COX18: variants seen among roughly 807,000 people sequenced by gnomAD.
COX18 encodes the protein cytochrome c oxidase assembly protein COX18, mitochondrial.
A neutral mutation model predicts 38.0 loss-of-function variants in COX18; 45 were observed. The observed-to-expected ratio is 1.18, with a 90% CI of 0.93 to 1.52. COX18 has a LOEUF of 1.52. COX18 is among the 40% of genes most tolerant of loss of function. COX18 has a pLI of 0.00. For missense variants in COX18, 462 were observed against 423.8 expected (o/e 1.09, Z -0.79); for synonymous variants, 177 against 169.8 (o/e 1.04, Z -0.33).
chr4:73,057,145 T>A lies in COX18; in HGVS notation c.*969A>T, dbSNP rs1364681152. On this transcript the variant is annotated 3_prime_UTR_variant, in exon 6 of 6. Transcript: ENST00000507544. ...CATTAAAAAAATTAAAAAAAAAAAA[T>A]GCTGGGTGAGGTGGCTCATGCCTGT... 2 of 124,358 alleles carry A rather than the reference T, an allele frequency of 1.6e-5. No homozygotes were observed. The highest frequency in any genetic ancestry group is 6.1e-5 in the African/African-American group (2 of 32,538). 7.7% of individuals were successfully genotyped at this position (124,358 alleles called of 1,614,324 possible).
Position 73,054,068 on chromosome 4 carries a change from C to G in COX18, c.*4046G>C, listed in dbSNP as rs901622388. 6.8e-6 allele frequency: 1 copy of G among 146,666 alleles called. No individual in the cohort carries two copies. The highest frequency in any genetic ancestry group is 1.5e-5 in the Non-Finnish European group (1 of 66,690). 9.1% of individuals were successfully genotyped at this position (146,666 alleles called of 1,614,324 possible). On this transcript the variant is annotated 3_prime_UTR_variant, in exon 6 of 6. Coordinates refer to ENST00000507544, the MANE Select transcript of COX18 (RefSeq NM_001297732.2). ...AGGAAAAACAGATCTCCTGTAAGGA[C>G]GAGAAGGGTGGGTAACACCCCTGTG...
intron 2 of COX18, among the ~76,000 whole-genome samples, chr4:73,066,548 A>G (rs1720454873): frequency 6.6e-6 from 1 of 152,206 alleles, no homozygotes; most frequent in African/African-American, 2.4e-5. Flanking sequence ...AAGAAAAGAA[A>G]AGAAAAGAAA....
At chr4:73,064,276 C>T (rs1200341803) in intron 4 of COX18, among the ~76,000 whole-genome samples, 3 of 151,738 alleles carry the variant, frequency 2.0e-5, no homozygotes, top group Non-Finnish European at 4.4e-5. Flanking sequence ...AAAAAAAAGA[C>T]ATGACTGAGA....
In COX18 at chr4:73,055,866, C is replaced by G. The variant is rs560391184; in HGVS notation, c.*2248G>C. The G allele has an allele frequency of 3.9e-5, 6 of 152,120 alleles. No individual in the cohort carries two copies. Among genetic ancestry groups the G allele is most frequent in the African/African-American group, 1.4e-4 (6 of 41,424 alleles). The allele number at this position is 152,120 out of a possible 1,614,324, so 9.4% of individuals were successfully genotyped here. A position where few individuals can be genotyped will look rare whatever the true frequency, so the allele number is the denominator to read the frequency against. ...ATTCCTTCAATGTGGTTGGAAAGCA[C>G]AATTGCCCCAATAGGACAGTCAGAA... is the stretch of plus-strand genomic sequence containing the variant. On this transcript the variant is annotated 3_prime_UTR_variant, in exon 6 of 6. Transcript: ENST00000507544.
In COX18 at chr4:73,056,561, T is replaced by C. The variant is rs754700974; in HGVS notation, c.*1553A>G. 2 of 152,330 alleles carry C rather than the reference T, an allele frequency of 1.3e-5. No individual in the cohort carries two copies. Among genetic ancestry groups the C allele is most frequent in the Non-Finnish European group, 2.9e-5 (2 of 68,034 alleles). 9.4% of individuals were successfully genotyped at this position (152,330 alleles called of 1,614,324 possible). On this transcript the variant is annotated 3_prime_UTR_variant, in exon 6 of 6. Coordinates refer to ENST00000507544, the MANE Select transcript of COX18 (RefSeq NM_001297732.2). Reference sequence around the variant, plus strand: ...GGCCGGGAGGCAACATCATCTACCATGTTAGGGACTTGTATGCATGGACTA... The same window carrying C: ...GGCCGGGAGGCAACATCATCTACCACGTTAGGGACTTGTATGCATGGACTA...
rs983718061 is a variant in COX18, at chr4:73,055,700, T to C, written c.*2414A>G. 1.3e-5 allele frequency: 2 copies of C among 152,214 alleles called. No individual in the cohort carries two copies. The highest frequency in any genetic ancestry group is 4.8e-5 in the African/African-American group (2 of 41,458). 9.4% of individuals were successfully genotyped at this position (152,214 alleles called of 1,614,324 possible). A position where few individuals can be genotyped will look rare whatever the true frequency, so the allele number is the denominator to read the frequency against. On this transcript the variant is annotated 3_prime_UTR_variant, in exon 6 of 6. Transcript: ENST00000507544. ...GAAGGCAGAGTACCATTTGTTTCAC[T>C]TCTGTTGGGAGGTGACTCACATTTT...
At position 73,056,873 on chromosome 4, in the gene COX18, C is replaced by A. The variant is rs1175757160; in HGVS notation, c.*1241G>T. On this transcript the variant is annotated 3_prime_UTR_variant, in exon 6 of 6. Transcript: ENST00000507544. ...CAGTGGCTCACGCCTGTAATCCCAG[C>A]ACTTTGGGAGGCCAAGGTGGGCAGA... is the stretch of plus-strand genomic sequence containing the variant. 1 of 152,294 alleles carries A rather than the reference C, an allele frequency of 6.6e-6. No individual in the cohort carries two copies. Among genetic ancestry groups the A allele is most frequent in the Non-Finnish European group, 1.5e-5 (1 of 68,124 alleles). The allele number at this position is 152,294 out of a possible 1,614,324, so 9.4% of individuals were successfully genotyped here. A position where few individuals can be genotyped will look rare whatever the true frequency, so the allele number is the denominator to read the frequency against.
At chr4:73,064,332 G>T (rs543500338) in intron 4 of COX18, among the ~76,000 whole-genome samples, 16 of 151,990 alleles carry the variant, frequency 1.1e-4, no homozygotes, top group Non-Finnish European at 2.2e-4. Context: ...ATCTTATAAA[G>T]ACATTCAATG....
chr4:73,060,953 C>A (rs34716955), intron 5 of COX18, among the ~76,000 whole-genome samples: 1 of 151,610 alleles, frequency 6.6e-6, no homozygotes, highest in African/African-American at 2.4e-5. Context: ...CAACTGAATT[C>A]GACTTTATGT....
rs1560468894 is a variant in COX18 at position 73,058,112 on chromosome 4, TG to T, written c.*1del. Reference sequence around the variant, plus strand: ...ACTGTTTCAAAATTATTGGAAAATATGTCATTTTCTTGAAATGAACTTGGTA... The same window carrying T: ...ACTGTTTCAAAATTATTGGAAAATATTCATTTTCTTGAAATGAACTTGGTA... On this transcript the variant is annotated 3_prime_UTR_variant, in exon 6 of 6. Transcript: ENST00000507544. The T allele has an allele frequency of 2.6e-6, 4 of 1,566,752 alleles. No individual in the cohort carries two copies. The South Asian group carries it at 4.6e-5, about 18-fold the overall frequency.
chr4:73,068,101 GTT>G lies in COX18; in HGVS notation c.360_361del (p.Lys120AsnfsTer7). 3 of 1,607,922 alleles carry G rather than the reference GTT, an allele frequency of 1.9e-6. No individual in the cohort carries two copies. Among genetic ancestry groups the G allele is most frequent in the Non-Finnish European group, 2.5e-6 (3 of 1,177,712 alleles). On this transcript the variant is annotated frameshift_variant, in exon 2 of 6. Transcript: ENST00000507544. LOFTEE classifies it high-confidence loss of function. ...TTCTTGGTTAAGATGCCTGGCAATA[GTT>G]TTTATTTCTGGCTGCAAATTTTCCA...
Position 73,057,823 on chromosome 4 carries a change from C to T in COX18, c.*291G>A, listed in dbSNP as rs182021393. 4.6e-5 allele frequency: 8 copies of T among 174,150 alleles called. No homozygotes were observed. In the East Asian group the frequency reaches 1.3e-3, roughly 28 times the overall value. 10.8% of individuals were successfully genotyped at this position (174,150 alleles called of 1,614,324 possible). ...TAGCTGGGATTACAGGCACCTGCCA[C>T]TAAGCCCAGCTAATTTTTTTGTTAT... On this transcript the variant is annotated 3_prime_UTR_variant, in exon 6 of 6. Transcript: ENST00000507544.
In COX18 at chr4:73,061,802, T is replaced by G. The variant is rs775369832; in HGVS notation, c.831+11A>C. The G allele has an allele frequency of 1.3e-6, 2 of 1,521,994 alleles. No individual in the cohort carries two copies. Among genetic ancestry groups the G allele is most frequent in the South Asian group, 2.2e-5 (2 of 88,944 alleles). The allele number at this position is 1,521,994 out of a possible 1,614,324, so 94.3% of individuals were successfully genotyped here. A position where few individuals can be genotyped will look rare whatever the true frequency, so the allele number is the denominator to read the frequency against. On this transcript the variant is annotated intron_variant, in intron 5 of 5. Transcript: ENST00000507544. ...TAGCACATGCTACACACAATATTGG[T>G]GCTTACTCACTGAGGGTACCGTTGC...
intron 2 of COX18, among the ~76,000 whole-genome samples, chr4:73,066,235 T>A (rs1720440468): frequency 1.3e-5 from 2 of 152,350 alleles, no homozygotes; most frequent in South Asian, 2.1e-4. Flanking sequence ...GACACCTGCA[T>A]ATTCTGGTCT....
chr4:73,069,484 C>A lies in COX18; in HGVS notation c.166G>T (p.Glu56Ter), dbSNP rs1049582497. Reference protein sequence around the residue: ...VSAVHANGWYEALAASSPVRV... With the variant: ...VSAVHANGWY ...ACCGGCGAAGACGCGGCCAGGGCCT[C>A]GTACCAGCCGTTCGCATGTACTGCA... is the stretch of plus-strand genomic sequence containing the variant. The change falls in exon 1 of 6, where the codon GAG becomes TAG. Residue 56 changes from glutamate to a stop codon, truncating the protein, a stop_gained. Transcript: ENST00000507544. LOFTEE classifies it high-confidence loss of function. 3 of 1,592,318 alleles carry A rather than the reference C, an allele frequency of 1.9e-6. No individual in the cohort carries two copies. The East Asian group carries it at 6.8e-5, about 36-fold the overall frequency.
chr4:73,061,479 C>T (rs943134195), intron 5 of COX18, among the ~76,000 whole-genome samples: 3 of 151,584 alleles, frequency 2.0e-5, no homozygotes, highest in African/African-American at 7.3e-5. Context: ...GAGGCCGAGG[C>T]GGGAGGATCA....
rs1560473707 is a variant in COX18, at chr4:73,064,783, C to T, written c.718G>A (p.Val240Met). ...TTTCATTTAAAACTACTGACCTCCACTATTAACAAATTGATGACGCCAACA... is the reference window on the plus strand; with the variant it reads ...TTTCATTTAAAACTACTGACCTCCATTATTAACAAATTGATGACGCCAACA... ...ISVGVINLLI[V>M]EICALQKIGM... The change falls in exon 4 of 6, where the codon GTG (valine) becomes ATG (methionine). Residue 240 changes from valine (V) to methionine (M), a missense_variant. By Grantham distance (21) the Val-to-Met change is conservative. Coordinates refer to ENST00000507544, the MANE Select transcript of COX18 (RefSeq NM_001297732.2). 2 of 1,613,310 alleles carry T rather than the reference C, an allele frequency of 1.2e-6. No homozygotes were observed. The highest frequency in any genetic ancestry group is 1.3e-5 in the African/African-American group (1 of 74,912).
Position 73,069,386 on chromosome 4 carries a change from G to C in COX18, c.264C>G (p.Leu88=). Residue 88 remains leucine (L), a synonymous_variant, in exon 1 of 6, where the codon CTC becomes CTG. Coordinates refer to ENST00000507544, the MANE Select transcript of COX18 (RefSeq NM_001297732.2). ...TGLPWWGSIL[L]STVALRGAVT... is the part of the protein sequence containing the mutation. ...CAGCACCCCGTAAGGCCACGGTGGAGAGCAGAATGCTGCCCCACCAGGGCA... is the reference window on the plus strand; with the variant it reads ...CAGCACCCCGTAAGGCCACGGTGGACAGCAGAATGCTGCCCCACCAGGGCA... 2 of 1,562,806 alleles carry C rather than the reference G, an allele frequency of 1.3e-6. No individual in the cohort carries two copies. The highest frequency in any genetic ancestry group is 1.2e-5 in the South Asian group (1 of 85,198).
At chr4:73,066,898 TA>T (rs924453329) in intron 2 of COX18, among the ~76,000 whole-genome samples, 93 of 152,336 alleles carry the variant, frequency 6.1e-4, no homozygotes, top group Middle Eastern at 3.4e-3. Context: ...TACAACTATA[TA>T]AAAATATATG....
Sources: gnomAD v4.1 joint callset for allele counts (sites outside exome capture counted in the v4.1 genomes callset) on GRCh38, gnomAD v4.1.1 for gene constraint, MANE v1.5 for transcripts, NCBI Gene and HGNC (gene_info 2026-07-23, HGNC 2026-07-21) for gene names.